PHF20: variants seen among roughly 807,000 people sequenced by gnomAD.
PHF20 encodes glioma-expressed antigen 2.
PHF20 carries 23 observed loss-of-function variants against 113.5 expected under a neutral mutation model. That is an observed-to-expected ratio of 0.20 (90% confidence interval 0.15 to 0.29). The LOEUF is 0.29. PHF20 is among the 10% of genes least tolerant of loss of function. The probability of loss-of-function intolerance (pLI) is 1.00; values close to 1 mark genes in which losing one functional copy is unlikely to be tolerated. For synonymous variants in PHF20, 434 were observed against 457.3 expected (o/e 0.95, Z 0.65); for missense variants, 943 against 1,219.6 (o/e 0.77, Z 3.38).
Position 35,863,330 on chromosome 20 carries a change from G to A in PHF20, c.738G>A (p.Val246=). 1 of 1,613,728 alleles carries A rather than the reference G, an allele frequency of 6.2e-7. No individual in the cohort carries two copies. The highest frequency in any genetic ancestry group is 2.2e-5 in the East Asian group (1 of 44,874). ...QVDKKPENDI[V]KSPQENLREP... is the part of the protein sequence containing the mutation. ...ATAAGAAACCTGAAAATGACATTGT[G>A]AAGAGTCCACAAGAAAACTTGAGGG... The change falls in exon 6 of 18, where the codon GTG becomes GTA. Residue 246 remains valine (V), a synonymous_variant. Coordinates refer to ENST00000374012, the MANE Select transcript of PHF20 (RefSeq NM_016436.5).
intron 13 of PHF20, among the ~76,000 whole-genome samples, chr20:35,918,162 C>CTTACCTGCT (rs1350374037): frequency 2.6e-5 from 4 of 152,034 alleles, no homozygotes; most frequent in Admixed American, 2.6e-4. Flanking sequence ...GTGGGACCTC[C>CTTACCTGCT]TTACCTGCTT....
intron 2 of PHF20, among the ~76,000 whole-genome samples, chr20:35,813,512 G>A (rs1209408843): frequency 6.6e-6 from 1 of 152,072 alleles, no homozygotes; most frequent in Admixed American, 6.6e-5. Context: ...CCAGACCCTG[G>A]ACGCAGCTGG....
At chr20:35,874,720 C>A (rs370117873) in intron 9 of PHF20, among the ~76,000 whole-genome samples, 1 of 151,802 alleles carries the variant, frequency 6.6e-6, no homozygotes, top group South Asian at 2.1e-4. Flanking sequence ...GAATTGTCTA[C>A]TTTTTATTTG....
chr20:35,863,227 G>A lies in PHF20; in HGVS notation c.635G>A (p.Ser212Asn), dbSNP rs921858026. 3.1e-6 allele frequency: 5 copies of A among 1,613,996 alleles called. No individual in the cohort carries two copies. In the African/African-American group the frequency reaches 5.3e-5, roughly 17 times the overall value. ...CSEKGKVSEK[S>N]LPKNEKEDKE... ...GAAAAGGGGAAAGTGTCAGAGAAAA[G>A]TCTTCCCAAGAACGAGAAGGAAGAC... The change falls in exon 6 of 18, where the codon AGT becomes AAT. Residue 212 changes from serine (S) to asparagine (N), a missense_variant. Physicochemically the swap from Ser to Asn is conservative, Grantham distance 46. Transcript: ENST00000374012.
chr20:35,833,211 A>T (rs184438203), intron 2 of PHF20, among the ~76,000 whole-genome samples: 1 of 152,284 alleles, frequency 6.6e-6, no homozygotes, highest in Non-Finnish European at 1.5e-5. Flanking sequence ...TTTCCATTTG[A>T]CATTGGCTAT....
At chr20:35,908,739 C>A (rs913852055) in intron 10 of PHF20, among the ~76,000 whole-genome samples, 3 of 152,286 alleles carry the variant, frequency 2.0e-5, no homozygotes, top group African/African-American at 7.2e-5. Flanking sequence ...TGCTAGCCTC[C>A]ATCTGCTTCT....
intron 2 of PHF20, among the ~76,000 whole-genome samples, chr20:35,816,788 T>C (rs989454891): frequency 4.5e-5 from 6 of 132,560 alleles, no homozygotes; most frequent in African/African-American, 2.0e-4. Flanking sequence ...ATTAAATGAG[T>C]TTTTTTTTTT....
intron 1 of PHF20, among the ~76,000 whole-genome samples, chr20:35,792,972 T>TA (rs2041587580): frequency 6.6e-6 from 1 of 152,158 alleles, no homozygotes; most frequent in Admixed American, 6.6e-5. Flanking sequence ...AATCTGAGTC[T>TA]AAAACCTGTC....
chr20:35,931,249 G>A lies in PHF20; in HGVS notation c.2105G>A (p.Gly702Asp), dbSNP rs748407748. Reference sequence around the variant, plus strand: ...AACCCTCTTGTTGTCACTGCTGTAGGTCAGAGGCCTGGCTTCAAGTACTGG... The same window carrying A: ...AACCCTCTTGTTGTCACTGCTGTAGATCAGAGGCCTGGCTTCAAGTACTGG... ...YTCYVCQDPP[G>D]QRPGFKYWYD... The change falls in exon 15 of 18, where the codon GGT becomes GAT. Residue 702 changes from glycine (G) to aspartate (D), a missense_variant and splice_region_variant. Gly to Asp is a moderately conservative substitution (Grantham distance 94). Around this residue, in one of 3 missense-constraint regions of PHF20, gnomAD observed 349 missense variants for 412.3 expected, o/e 0.85. Coordinates refer to ENST00000374012, the MANE Select transcript of PHF20 (RefSeq NM_016436.5). The A allele has an allele frequency of 3.1e-6, 5 of 1,609,016 alleles. No individual in the cohort carries two copies. In the South Asian group the frequency reaches 3.3e-5, roughly 11 times the overall value.
At chr20:35,877,156 G>A (rs1332923076) in intron 9 of PHF20, among the ~76,000 whole-genome samples, 1 of 148,270 alleles carries the variant, frequency 6.7e-6, no homozygotes, top group African/African-American at 2.5e-5. Context: ...TGGGCATGGT[G>A]GTGGGCGCCT....
At chr20:35,892,184 A>T (rs924730376) in intron 9 of PHF20, among the ~76,000 whole-genome samples, 4 of 148,358 alleles carry the variant, frequency 2.7e-5, no homozygotes, top group African/African-American at 1.0e-4. Flanking sequence ...CAGCCTCCCG[A>T]GTAGATGGGA....
chr20:35,927,919 CT>C, intron 14 of PHF20, 40 bp downstream of exon 14: 2 of 1,392,658 alleles, frequency 1.4e-6, no homozygotes, highest in Non-Finnish European at 2.0e-6. Context: ...AGTATGTAGC[CT>C]TTTCCTTGGC....
chr20:35,886,997 G>A (rs1202175887), intron 9 of PHF20, among the ~76,000 whole-genome samples: 1 of 152,174 alleles, frequency 6.6e-6, no homozygotes, highest in Non-Finnish European at 1.5e-5. Context: ...ACTGAGCATT[G>A]CCAGCCAGAC....
intron 15 of PHF20, among the ~76,000 whole-genome samples, chr20:35,933,216 C>G (rs2055796116): frequency 6.6e-6 from 1 of 151,292 alleles, no homozygotes; most frequent in Non-Finnish European, 1.5e-5. Flanking sequence ...CTCCTGGGCT[C>G]AAGCAACTCA....
intron 1 of PHF20, among the ~76,000 whole-genome samples, chr20:35,780,720 A>G (rs1305784100): frequency 7.0e-6 from 1 of 142,712 alleles, no homozygotes; most frequent in African/African-American, 2.6e-5. Context: ...CTAATCTTTT[A>G]TATTTTTAGT....
intron 2 of PHF20, among the ~76,000 whole-genome samples, chr20:35,829,720 C>T (rs1256346707): frequency 2.6e-5 from 4 of 151,786 alleles, no homozygotes; most frequent in Non-Finnish European, 4.4e-5. Flanking sequence ...CTTAGCCGTG[C>T]GCCATGGCTC....
Position 35,871,793 on chromosome 20 carries a change from C to A in PHF20, c.1246C>A (p.Pro416Thr), listed in dbSNP as rs778850470. 4 of 1,612,322 alleles carry A rather than the reference C, an allele frequency of 2.5e-6. No individual in the cohort carries two copies. Among genetic ancestry groups the A allele is most frequent in the Non-Finnish European group, 3.4e-6 (4 of 1,179,082 alleles). ...CACGATGAAAACAGAACCGACTTCT[C>A]CCCTTGTGGAATTACAAGAGATTTC... The part of the protein sequence containing the change: ...ENTMKTEPTS[P>T]LVELQEISTV... Residue 416 changes from proline (P) to threonine (T), a missense_variant, in exon 9 of 18, where the codon CCC (proline) becomes ACC (threonine). This residue lies in a region of PHF20 where 592 missense variants were observed against 787.2 expected (regional missense o/e 0.75). Coordinates refer to ENST00000374012, the MANE Select transcript of PHF20 (RefSeq NM_016436.5).
At chr20:35,922,682 T>C (rs967209762) in intron 13 of PHF20, among the ~76,000 whole-genome samples, 1 of 152,260 alleles carries the variant, frequency 6.6e-6, no homozygotes, top group Non-Finnish European at 1.5e-5. Context: ...TTTAAATTAT[T>C]TTAATCGCTG....
rs1463605464 is a variant in PHF20, at chr20:35,917,542, T to C, written c.1884T>C (p.Tyr628=). ...GCTTTCTCTGGAGTGATGATGAGTATGGCCAAGATGTGGATGTGACCACCA... is the reference window on the plus strand; with the variant it reads ...GCTTTCTCTGGAGTGATGATGAGTACGGCCAAGATGTGGATGTGACCACCA... The part of the protein sequence containing the change: ...SESFLWSDDE[Y]GQDVDVTTNP... Residue 628 remains tyrosine (Y), a synonymous_variant, in exon 13 of 18, where the codon TAT becomes TAC. Coordinates refer to ENST00000374012, the MANE Select transcript of PHF20 (RefSeq NM_016436.5). The C allele has an allele frequency of 1.2e-6, 2 of 1,613,958 alleles. No homozygotes were observed. The highest frequency in any genetic ancestry group is 1.7e-6 in the Non-Finnish European group (2 of 1,180,000).
Sources: allele counts gnomAD v4.1 joint callset (sites outside exome capture counted in the v4.1 genomes callset), GRCh38; gene constraint gnomAD v4.1.1; regional missense constraint gnomAD v4.1.1; transcripts MANE v1.5; gene names NCBI Gene and HGNC (gene_info 2026-07-23, HGNC 2026-07-21).